Variants in ZNF160 observed in about 807,000 individuals in gnomAD.
ZNF160 encodes zinc finger protein 160.
ZNF160 carries 9 observed loss-of-function variants against 13.1 expected under a neutral mutation model. The ratio of observed to expected loss-of-function variants is 0.69; its 90% CI spans 0.41 to 1.20. The LOEUF is 1.20. Ranked by LOEUF, ZNF160 falls within the 50% of genes most tolerant of loss-of-function variation. The pLI, the probability that ZNF160 is intolerant of heterozygous loss-of-function variation, is 0.01. For missense variants in ZNF160, 838 were observed against 988.0 expected, an observed-to-expected ratio of 0.85 and a Z score of 2.04; for synonymous variants, 293 against 333.2, an observed-to-expected ratio of 0.88 and a Z score of 1.31.
chr19:53,075,293 C>T (rs1342213053), intron 3 of ZNF160, 110 bp from the exon 4 acceptor site: 1 of 1,382,628 alleles, frequency 7.2e-7, no homozygotes, highest in East Asian at 2.3e-5. Context: ...AGTGGGTGAG[C>T]TGACAGATCC....
intron 1 of ZNF160, among the ~76,000 whole-genome samples, chr19:53,098,116 T>C (rs1391824303): frequency 6.6e-6 from 1 of 152,122 alleles, no homozygotes; most frequent in Non-Finnish European, 1.5e-5. Flanking sequence ...ATCAGGGCAT[T>C]ACAAAATGAT....
chr19:53,096,938 G>A (rs2013241), intron 1 of ZNF160, among the ~76,000 whole-genome samples: 50,461 of 91,980 alleles, frequency 0.55, 12,876 homozygotes, highest in East Asian at 0.64. Flanking sequence ...ATTCCTGAGC[G>A]GAGGGGCACC....
chr19:53,085,069 T>C (rs2084780402), intron 3 of ZNF160: 6 of 667,506 alleles, frequency 9.0e-6, no homozygotes, highest in Non-Finnish European at 1.1e-5. Context: ...TCCTCCCACC[T>C]TGGCTTCCAC....
chr19:53,093,736 A>C (rs983821032), intron 1 of ZNF160: 3 of 151,852 alleles, frequency 2.0e-5, no homozygotes, highest in African/African-American at 7.3e-5. Flanking sequence ...GCAGTGAGCT[A>C]TGATCGCACC....
chr19:53,076,861 C>G (rs2084411755), intron 3 of ZNF160: 1 of 152,214 alleles, frequency 6.6e-6, no homozygotes, highest in South Asian at 2.1e-4. Flanking sequence ...AACCACACTT[C>G]CATTTTCTCC....
chr19:53,083,672 G>A (rs936182120), intron 3 of ZNF160, among the ~76,000 whole-genome samples: 4 of 152,356 alleles, frequency 2.6e-5, no homozygotes, highest in Admixed American at 1.3e-4. Context: ...GGCACAGTCA[G>A]GAGGATGGCT....
chr19:53,070,305 T>C (rs779236051), intron 5 of ZNF160, 43 bp from the exon 6 acceptor site: 4 of 1,469,060 alleles, frequency 2.7e-6, no homozygotes, highest in Non-Finnish European at 3.6e-6. Context: ...TTAATTACAG[T>C]ATAGAAATAA....
At chr19:53,077,577 G>A (rs1041899274) in intron 3 of ZNF160, among the ~76,000 whole-genome samples, 2 of 150,152 alleles carry the variant, frequency 1.3e-5, no homozygotes, top group Non-Finnish European at 3.0e-5. Context: ...GGCTGAGACA[G>A]AGAATCGCTT....
intron 3 of ZNF160, among the ~76,000 whole-genome samples, chr19:53,078,539 G>GAGGTTGC (rs1265966343): frequency 3.3e-5 from 5 of 152,196 alleles, no homozygotes; most frequent in Non-Finnish European, 7.3e-5. Context: ...TCAGGAGGCA[G>GAGGTTGC]AGGTTGCAGT....
At position 53,074,218 on chromosome 19, in the gene ZNF160, C is replaced by G. The variant is rs2145557747; in HGVS notation, c.193G>C (p.Glu65Gln). The part of the protein sequence containing the change: ...NIISMLEEGK[E>Q]PWTVKSCVKI... ...ACACAGCTCTTCACAGTCCAGGGCTCTTTCCCTTCCTCCAACATGGAGATA... is the reference window on the plus strand; with the variant it reads ...ACACAGCTCTTCACAGTCCAGGGCTGTTTCCCTTCCTCCAACATGGAGATA... The change falls in exon 5 of 6, where the codon GAG (glutamate) becomes CAG (glutamine). Residue 65 changes from glutamate to glutamine, a missense_variant. Glu to Gln is a conservative substitution (Grantham distance 29). Coordinates refer to ENST00000683776, the MANE Select transcript of ZNF160 (RefSeq NM_001322131.2). 6.2e-7 allele frequency: 1 copy of G among 1,614,118 alleles called. No homozygotes were observed. Among genetic ancestry groups the G allele is most frequent in the East Asian group, 2.2e-5 (1 of 44,876 alleles).
intron 5 of ZNF160, among the ~76,000 whole-genome samples, chr19:53,071,534 C>T (rs1168113632): frequency 8.1e-6 from 1 of 122,938 alleles, no homozygotes; most frequent in Non-Finnish European, 1.6e-5. Flanking sequence ...AAAACTCCGT[C>T]TCATCAAAAA....
chr19:53,087,592 C>T (rs566476025), intron 2 of ZNF160, among the ~76,000 whole-genome samples: 1 of 152,158 alleles, frequency 6.6e-6, no homozygotes, highest in Admixed American at 6.5e-5. Context: ...CTCTTGTTGC[C>T]CAGGCTGGAG....
chr19:53,073,318 G>A (rs1461611606), intron 5 of ZNF160: 21 of 1,591,194 alleles, frequency 1.3e-5, no homozygotes, highest in Admixed American at 3.4e-5. Context: ...GTGTCTTTAC[G>A]GTTATGCTGA....
Position 53,099,779 on chromosome 19 carries a change from G to A in ZNF160, c.-354+3486C>T, listed in dbSNP as rs549879504. Among the ~76,000 whole-genome samples, 15 of 152,292 alleles carry A rather than the reference G, an allele frequency of 9.8e-5. No individual in the cohort carries two copies. The South Asian group carries it at 3.1e-3, about 32-fold the overall frequency. ...AGGGGATTAGTATTGCCCAGACTGA[G>A]GTATATTGACTGAGTCCCTCACCTT... On this transcript the variant is annotated intron_variant, in intron 1 of 5. Transcript: ENST00000683776.
At position 53,068,990 on chromosome 19, in the gene ZNF160, C is replaced by T. The variant is rs1417913702; in HGVS notation, c.1544G>A (p.Gly515Glu). The T allele has an allele frequency of 6.2e-7, 1 of 1,614,108 alleles. No homozygotes were observed. The highest frequency in any genetic ancestry group is 1.3e-5 in the African/African-American group (1 of 75,040). ...GEKPYKCNEC[G>E]KAFSVRSSLT... ...ACTTGAACGAACACTGAAGGCTTTC[C>T]CACACTCATTACACTTGTAAGGTTT... The change falls in exon 6 of 6, where the codon GGG becomes GAG. Residue 515 changes from glycine to glutamate, a missense_variant. Physicochemically the swap from Gly to Glu is moderately conservative, Grantham distance 98. Around this residue, in one of 3 missense-constraint regions of ZNF160, gnomAD observed 400 missense variants for 538.9 expected, o/e 0.74. Coordinates refer to ENST00000683776, the MANE Select transcript of ZNF160 (RefSeq NM_001322131.2).
intron 3 of ZNF160, among the ~76,000 whole-genome samples, chr19:53,076,570 T>C (rs1007320036): frequency 6.6e-6 from 1 of 151,816 alleles, no homozygotes; most frequent in Non-Finnish European, 1.5e-5. Flanking sequence ...ACCCAGGAGG[T>C]AGAAGTTGCG....
At chr19:53,076,362 C>T (rs986180502) in intron 3 of ZNF160, among the ~76,000 whole-genome samples, 1 of 152,152 alleles carries the variant, frequency 6.6e-6, no homozygotes, top group Non-Finnish European at 1.5e-5. Flanking sequence ...ATAATGCGGC[C>T]GGGCGTGGCG....
chr19:53,086,130 T>C, intron 3 of ZNF160, 132 bp downstream of exon 3: 1 of 1,341,072 alleles, frequency 7.5e-7, no homozygotes, highest in South Asian at 1.2e-5. Flanking sequence ...TGAGAGGGAC[T>C]GAGGGAAGGC....
intron 5 of ZNF160, among the ~76,000 whole-genome samples, chr19:53,070,477 C>T (rs1052369222): frequency 2.0e-5 from 3 of 151,234 alleles, no homozygotes; most frequent in Non-Finnish European, 4.4e-5. Context: ...GTGGTGTGAT[C>T]TTGGCTCACT....
Sources: gnomAD v4.1 joint callset for allele counts (sites outside exome capture counted in the v4.1 genomes callset) on GRCh38, gnomAD v4.1.1 for gene constraint, gnomAD v4.1.1 regional missense constraint, MANE v1.5 for transcripts, NCBI Gene and HGNC (gene_info 2026-07-23, HGNC 2026-07-21) for gene names.